Variants in AGBL4 observed in about 807,000 individuals in gnomAD.
The protein encoded by AGBL4 is AGBL carboxypeptidase 4.
AGBL4 carries 58 observed loss-of-function variants against 66.4 expected under a neutral mutation model. The ratio of observed to expected loss-of-function variants is 0.87; its 90% CI spans 0.71 to 1.09. The LOEUF is 1.09. AGBL4 is among the 50% of genes least tolerant of loss of function. The pLI, the probability that AGBL4 is intolerant of heterozygous loss-of-function variation, is 0.00. For synonymous variants in AGBL4, 234 were observed against 222.9 expected, an observed-to-expected ratio of 1.05 and a Z score of -0.44; for missense variants, 579 against 631.0, an observed-to-expected ratio of 0.92 and a Z score of 0.88.
At chr1:49,959,073 G>T (rs542991077) in intron 1 of AGBL4, among the ~76,000 whole-genome samples, 1 of 151,600 alleles carries the variant, frequency 6.6e-6, no homozygotes, top group African/African-American at 2.4e-5. Context: ...TAGTTATTGG[G>T]TATCAAGAGA....
intron 6 of AGBL4, chr1:48,776,562 G>T: frequency 4.9e-6 from 5 of 1,016,240 alleles, no homozygotes; most frequent in South Asian, 1.9e-5. Context: ...CGGGGTCCCA[G>T]CCCCCGCCCG....
intron 3 of AGBL4, chr1:49,527,374 G>C (rs576695968): frequency 2.6e-5 from 4 of 152,392 alleles, no homozygotes; most frequent in Non-Finnish European, 5.9e-5. Context: ...TTGGTATTTA[G>C]AATAAGGCTT....
At chr1:49,019,053 C>T (rs1663040416) in intron 5 of AGBL4, among the ~76,000 whole-genome samples, 1 of 152,110 alleles carries the variant, frequency 6.6e-6, no homozygotes, top group Non-Finnish European at 1.5e-5. Context: ...CACAGTGACT[C>T]CTTCTCTGGC....
At chr1:48,667,598 T>C (rs1646209476) in intron 6 of AGBL4, among the ~76,000 whole-genome samples, 1 of 152,276 alleles carries the variant, frequency 6.6e-6, no homozygotes, top group Non-Finnish European at 1.5e-5. Flanking sequence ...TTCAAGATGC[T>C]AAATTCTAGA....
At chr1:49,705,422 C>G (rs1647190618) in intron 2 of AGBL4, among the ~76,000 whole-genome samples, 1 of 151,924 alleles carries the variant, frequency 6.6e-6, no homozygotes, top group South Asian at 2.1e-4. Flanking sequence ...ATTTCTTTCT[C>G]TTGCCTGATA....
At chr1:49,518,997 T>C (rs1308896460) in intron 3 of AGBL4, among the ~76,000 whole-genome samples, 1 of 152,066 alleles carries the variant, frequency 6.6e-6, no homozygotes, top group Non-Finnish European at 1.5e-5. Flanking sequence ...CAAAGAGGTT[T>C]ATACAATTAT....
chr1:49,172,908 C>A (rs1330995742), intron 4 of AGBL4, among the ~76,000 whole-genome samples: 4 of 152,094 alleles, frequency 2.6e-5, no homozygotes, highest in Admixed American at 1.3e-4. Context: ...GGCAAATCAT[C>A]TGGGGTTGGG....
intron 6 of AGBL4, among the ~76,000 whole-genome samples, chr1:48,705,360 T>A (rs1386282025): frequency 6.6e-6 from 1 of 152,138 alleles, no homozygotes; most frequent in African/African-American, 2.4e-5. Context: ...GGACAAAAAT[T>A]CCCAAGCTAA....
At chr1:49,260,895 T>A (rs964175389) in intron 3 of AGBL4, among the ~76,000 whole-genome samples, 8 of 149,910 alleles carry the variant, frequency 5.3e-5, no homozygotes, top group African/African-American at 2.0e-4. Flanking sequence ...TGAACATTGA[T>A]GCAAAAATCC....
At chr1:49,106,688 T>C (rs1645299657) in intron 4 of AGBL4, among the ~76,000 whole-genome samples, 1 of 152,198 alleles carries the variant, frequency 6.6e-6, no homozygotes, top group Non-Finnish European at 1.5e-5. Flanking sequence ...TTCATGTTAA[T>C]ATCTGAGTAG....
At chr1:49,273,866 T>C (rs1459855347) in intron 3 of AGBL4, among the ~76,000 whole-genome samples, 1 of 151,960 alleles carries the variant, frequency 6.6e-6, no homozygotes, top group African/African-American at 2.4e-5. Context: ...ATTTTTTTAG[T>C]AGAGACGGGG....
intron 2 of AGBL4, among the ~76,000 whole-genome samples, chr1:49,795,235 G>A (rs1406350480): frequency 1.3e-5 from 2 of 151,586 alleles, no homozygotes; most frequent in Non-Finnish European, 3.0e-5. Context: ...AAGTATATGA[G>A]GACTTTCATT....
intron 3 of AGBL4, among the ~76,000 whole-genome samples, chr1:49,614,833 T>C (rs1645221794): frequency 6.6e-6 from 1 of 152,176 alleles, no homozygotes; most frequent in South Asian, 2.1e-4. Flanking sequence ...AACTGTTTTA[T>C]ATTACATTTT....
chr1:48,748,445 C>T (rs1195735055), intron 6 of AGBL4, among the ~76,000 whole-genome samples: 2 of 152,186 alleles, frequency 1.3e-5, no homozygotes, highest in Non-Finnish European at 2.9e-5. Flanking sequence ...AAGAGACAGG[C>T]AGCAGACTAC....
chr1:48,718,703 G>A (rs939594481), intron 6 of AGBL4, among the ~76,000 whole-genome samples: 1 of 152,124 alleles, frequency 6.6e-6, no homozygotes, highest in African/African-American at 2.4e-5. Context: ...TTTGGGTCAT[G>A]GGATGCTGTC....
intron 4 of AGBL4, among the ~76,000 whole-genome samples, chr1:49,151,556 G>A (rs1213807104): frequency 1.4e-5 from 2 of 146,164 alleles, no homozygotes; most frequent in South Asian, 2.2e-4. Flanking sequence ...AGAATTTGTG[G>A]AATTGTTGAC....
chr1:49,254,102 G>A (rs1227422729), intron 3 of AGBL4, among the ~76,000 whole-genome samples: 8 of 152,040 alleles, frequency 5.3e-5, no homozygotes, highest in East Asian at 1.9e-4. Context: ...CTTGAAAATC[G>A]GCAGAAGACA....
intron 5 of AGBL4, among the ~76,000 whole-genome samples, chr1:49,037,669 C>A (rs888094717): frequency 2.0e-5 from 3 of 152,068 alleles, no homozygotes; most frequent in African/African-American, 7.2e-5. Flanking sequence ...CTTAAGACTT[C>A]GTTCACTCCC....
chr1:49,292,924 C>T (rs1271008315), intron 3 of AGBL4, among the ~76,000 whole-genome samples: 1 of 152,216 alleles, frequency 6.6e-6, no homozygotes, highest in East Asian at 1.9e-4. Context: ...AATGGTGGGG[C>T]TGAAAGAGCT....
Sources: gnomAD v4.1 joint callset for allele counts (sites outside exome capture counted in the v4.1 genomes callset) on GRCh38, gnomAD v4.1.1 for gene constraint, MANE v1.5 for transcripts, NCBI Gene and HGNC (gene_info 2026-07-23, HGNC 2026-07-21) for gene names.